CTNNA3: variants seen among roughly 807,000 people sequenced by gnomAD.
CTNNA3 encodes catenin alpha 3.
A neutral mutation model predicts 95.7 loss-of-function variants in CTNNA3; 76 were observed. That is an observed-to-expected ratio of 0.79 (90% confidence interval 0.66 to 0.96). The LOEUF is 0.96. Among genes scored for constraint, CTNNA3 ranks in the 40% least tolerant of loss-of-function variants. The pLI, the probability that CTNNA3 is intolerant of heterozygous loss-of-function variation, is 0.00. For missense variants in CTNNA3, 1,191 were observed against 1,089.8 expected (o/e 1.09, Z -1.31); for synonymous variants, 431 against 374.4 (o/e 1.15, Z -1.74).
intron 5 of CTNNA3, among the ~76,000 whole-genome samples, chr10:67,395,692 A>T (rs1844683255): frequency 6.6e-6 from 1 of 152,238 alleles, no homozygotes; most frequent in African/African-American, 2.4e-5. Flanking sequence ...AATAGTAGGA[A>T]ACATTTTCAG....
intron 5 of CTNNA3, among the ~76,000 whole-genome samples, chr10:67,406,616 A>G (rs1382910764): frequency 6.6e-6 from 1 of 152,158 alleles, no homozygotes; most frequent in Non-Finnish European, 1.5e-5. Context: ...ACCTTTCAAA[A>G]GATCAAAAAT....
At chr10:66,165,408 A>G (rs557593852) in intron 13 of CTNNA3, among the ~76,000 whole-genome samples, 1 of 152,254 alleles carries the variant, frequency 6.6e-6, no homozygotes, top group South Asian at 2.1e-4. Context: ...ATTTTACTCT[A>G]AGTAAAATTG....
At chr10:66,578,784 C>CTTTTTTT (rs71035156) in intron 10 of CTNNA3, among the ~76,000 whole-genome samples, 1 of 143,238 alleles carries the variant, frequency 7.0e-6, no homozygotes, top group Non-Finnish European at 1.5e-5. Context: ...ATTTTTCTTT[C>CTTTTTTT]TTTTTTTTTT....
intron 12 of CTNNA3, among the ~76,000 whole-genome samples, chr10:66,345,918 A>T (rs2092505787): frequency 6.6e-6 from 1 of 151,402 alleles, no homozygotes; most frequent in East Asian, 2.0e-4. Flanking sequence ...CTCTACTAAA[A>T]ATACAAAACT....
chr10:66,713,508 TA>T (rs55704480), intron 9 of CTNNA3, among the ~76,000 whole-genome samples: 82,543 of 151,826 alleles, frequency 0.54, 23,728 homozygotes, highest in African/African-American at 0.72. Flanking sequence ...AAATGTCACC[TA>T]GAGTTGGAAG....
intron 7 of CTNNA3, among the ~76,000 whole-genome samples, chr10:66,778,144 T>C (rs1840386471): frequency 6.6e-6 from 1 of 152,198 alleles, no homozygotes; most frequent in Non-Finnish European, 1.5e-5. Context: ...TCTTGCTTTT[T>C]TCTCCCTTGA....
chr10:65,917,462 T>TTA lies in CTNNA3; in HGVS notation c.*2867_*2868insTA, dbSNP rs2077021259. Reference sequence around the variant, plus strand: ...GGCCATTTAGTGGATTATTATTTCGTTTTTTTTTAAATTTTCATTCTAATT... The same window carrying TTA: ...GGCCATTTAGTGGATTATTATTTCGTTATTTTTTTTAAATTTTCATTCTAATT... On this transcript the variant is annotated 3_prime_UTR_variant, in exon 18 of 18. Coordinates refer to ENST00000433211, the MANE Select transcript of CTNNA3 (RefSeq NM_013266.4). 1.5e-4 allele frequency: 1 copy of TTA among 6,790 alleles called. No individual in the cohort carries two copies. Among genetic ancestry groups the TTA allele is most frequent in the Non-Finnish European group, 2.6e-4 (1 of 3,880 alleles). 0.4% of individuals were successfully genotyped at this position (6,790 alleles called of 1,614,324 possible).
chr10:67,733,387 A>C (rs1841286773), intron 1 of CTNNA3, among the ~76,000 whole-genome samples: 1 of 152,190 alleles, frequency 6.6e-6, no homozygotes, highest in Non-Finnish European at 1.5e-5. Context: ...TAATACATCT[A>C]AAATGGAATT....
chr10:67,653,199 C>T (rs1324597505), intron 1 of CTNNA3, among the ~76,000 whole-genome samples: 1 of 152,074 alleles, frequency 6.6e-6, no homozygotes, highest in Non-Finnish European at 1.5e-5. Context: ...GAGAGAGGTG[C>T]CACACACTTT....
chr10:66,492,600 A>AT (rs1458155098), intron 11 of CTNNA3, among the ~76,000 whole-genome samples: 2 of 151,868 alleles, frequency 1.3e-5, no homozygotes, highest in Admixed American at 1.3e-4. Flanking sequence ...TATTTTCCCC[A>AT]TTTTTTTGAC....
At chr10:67,666,294 T>G (rs1423366566) in intron 1 of CTNNA3, among the ~76,000 whole-genome samples, 1 of 152,156 alleles carries the variant, frequency 6.6e-6, no homozygotes, top group East Asian at 1.9e-4. Context: ...TTTAAATATC[T>G]TGAATTAATC....
At position 66,461,685 on chromosome 10, in the gene CTNNA3, GTA is replaced by G. The variant is rs141247399; in HGVS notation, c.1531+58930_1531+58931del. Among the ~76,000 whole-genome samples the G allele has an allele frequency of 3.5e-3, 496 of 139,840 alleles. 1 individual carries two copies. Among genetic ancestry groups the G allele is most frequent in the African/African-American group, 7.8e-3 (285 of 36,500 alleles). The allele number at this position is 139,840 out of a possible 152,430, so 91.7% of individuals were successfully genotyped here. A position where few individuals can be genotyped will look rare whatever the true frequency, so the allele number is the denominator to read the frequency against. On this transcript the variant is annotated intron_variant, in intron 11 of 17. Transcript: ENST00000433211. ...GTTTGCACTCACGTTATATATATAT[GTA>G]TATATATATATATATATCAAGTGGA...
intron 5 of CTNNA3, among the ~76,000 whole-genome samples, chr10:67,459,907 G>A (rs556170103): frequency 6.6e-6 from 1 of 152,192 alleles, no homozygotes; most frequent in South Asian, 2.1e-4. Flanking sequence ...AAGTCAATCT[G>A]ATATATTCCT....
chr10:67,681,079 A>G (rs891962950), intron 1 of CTNNA3, among the ~76,000 whole-genome samples: 7 of 152,262 alleles, frequency 4.6e-5, no homozygotes, highest in Admixed American at 4.6e-4. Context: ...AGAATTAAGT[A>G]TATTAAAAAG....
At position 65,927,357 on chromosome 10, in the gene CTNNA3, T is replaced by C. The variant is rs1298550046; in HGVS notation, c.2401-6740A>G. Among the ~76,000 whole-genome samples, 12 of 152,214 alleles carry C rather than the reference T, an allele frequency of 7.9e-5. No individual in the cohort carries two copies. In the East Asian group the frequency reaches 2.1e-3, roughly 27 times the overall value. The stretch of plus-strand genomic sequence containing the variant: ...GTTTATGACGTATAATCAAATATCA[T>C]ATGCTTTAGGTACACTAGAAAGGAA... On this transcript the variant is annotated intron_variant, in intron 17 of 17. Coordinates refer to ENST00000433211, the MANE Select transcript of CTNNA3 (RefSeq NM_013266.4).
At chr10:67,566,075 A>ATAT (rs1156404935) in intron 3 of CTNNA3, among the ~76,000 whole-genome samples, 9 of 100,168 alleles carry the variant, frequency 9.0e-5, no homozygotes, top group South Asian at 7.8e-4. Context: ...ATATATATAC[A>ATAT]AAACCTAGGC....
chr10:67,303,738 G>A (rs941295785), intron 5 of CTNNA3, among the ~76,000 whole-genome samples: 2 of 152,126 alleles, frequency 1.3e-5, no homozygotes, highest in African/African-American at 4.8e-5. Context: ...GTCAGGGATT[G>A]TTACTATTAT....
At chr10:66,255,021 T>G (rs1260653878) in intron 13 of CTNNA3, among the ~76,000 whole-genome samples, 1 of 152,190 alleles carries the variant, frequency 6.6e-6, no homozygotes, top group East Asian at 1.9e-4. Flanking sequence ...ACCTTCACTT[T>G]AACACTGTAA....
chr10:66,525,331 C>T (rs1406752096), intron 10 of CTNNA3, among the ~76,000 whole-genome samples: 2 of 152,110 alleles, frequency 1.3e-5, no homozygotes, highest in African/African-American at 2.4e-5. Context: ...TTGCATCATG[C>T]ACCACTGTTC....
Sources: gnomAD v4.1 joint callset for allele counts (sites outside exome capture counted in the v4.1 genomes callset) on GRCh38, gnomAD v4.1.1 for gene constraint, MANE v1.5 for transcripts, NCBI Gene and HGNC (gene_info 2026-07-23, HGNC 2026-07-21) for gene names.